The following ERC1 variants were observed in gnomAD, a reference collection of about 807,000 sequenced individuals.
The protein encoded by ERC1 is RAB6 interacting protein 2.
In ERC1, 56 loss-of-function variants were observed where a neutral mutation model predicts 132.0. The ratio of observed to expected loss-of-function variants is 0.42; its 90% CI spans 0.34 to 0.53. ERC1 has a LOEUF of 0.53. Ranked by LOEUF, ERC1 falls within the 20% of genes least tolerant of loss-of-function variation. The probability of loss-of-function intolerance (pLI) is 0.03; values close to 1 mark genes in which losing one functional copy is unlikely to be tolerated. For synonymous variants in ERC1, 478 were observed against 476.1 expected (o/e 1.00, Z -0.05); for missense variants, 1,202 against 1,349.9 (o/e 0.89, Z 1.72).
At chr12:1,374,645 T>C (rs1233185014) in intron 16 of ERC1, among the ~76,000 whole-genome samples, 1 of 152,184 alleles carries the variant, frequency 6.6e-6, no homozygotes, top group Non-Finnish European at 1.5e-5. Context: ...TAATACAATC[T>C]GTTTAGTCAC....
At chr12:1,035,251 A>T (rs963922104) in intron 2 of ERC1, among the ~76,000 whole-genome samples, 2 of 152,184 alleles carry the variant, frequency 1.3e-5, no homozygotes, top group Admixed American at 6.5e-5. Flanking sequence ...ACAGTAATTA[A>T]ATGGTTTCCC....
intron 18 of ERC1, among the ~76,000 whole-genome samples, chr12:1,488,203 A>G (rs2094269238): frequency 6.6e-6 from 1 of 151,296 alleles, no homozygotes; most frequent in African/African-American, 2.4e-5. Flanking sequence ...CTGGACTCAA[A>G]CTCCTGGGCT....
chr12:1,370,685 G>A (rs977576413), intron 15 of ERC1, among the ~76,000 whole-genome samples: 1 of 152,076 alleles, frequency 6.6e-6, no homozygotes, highest in African/African-American at 2.4e-5. Flanking sequence ...GAAATACTAA[G>A]TTCTTACTAA....
Position 1,083,221 on chromosome 12 carries a change from A to C in ERC1, c.727A>C (p.Asn243His). The C allele has an allele frequency of 6.2e-7, 1 of 1,614,106 alleles. No homozygotes were observed. Among genetic ancestry groups the C allele is most frequent in the Non-Finnish European group, 8.5e-7 (1 of 1,179,926 alleles). ...TGAATTGCGGATCCAGAGGGACCTGAATCAGCTGTTTCAGCAGGATAGTAG... is the reference window on the plus strand; with the variant it reads ...TGAATTGCGGATCCAGAGGGACCTGCATCAGCTGTTTCAGCAGGATAGTAG... ...QDELRIQRDL[N>H]QLFQQDSSSR... The change falls in exon 3 of 19, where the codon AAT becomes CAT. Residue 243 changes from asparagine (N) to histidine (H), a missense_variant. Asn to His is a moderately conservative substitution (Grantham distance 68, BLOSUM62 1). Transcript: ENST00000360905.
At chr12:1,147,541 T>C (rs1461369317) in intron 8 of ERC1, among the ~76,000 whole-genome samples, 2 of 152,220 alleles carry the variant, frequency 1.3e-5, no homozygotes, top group South Asian at 4.1e-4. Flanking sequence ...TTAGGCACAA[T>C]AACATGTTGG....
chr12:1,400,844 G>T (rs1199361609), intron 16 of ERC1, among the ~76,000 whole-genome samples: 1 of 147,554 alleles, frequency 6.8e-6, no homozygotes, highest in African/African-American at 2.5e-5. Context: ...TTTACTGTAG[G>T]ATCTGAAATC....
intron 18 of ERC1, among the ~76,000 whole-genome samples, chr12:1,464,880 A>G (rs531519493): frequency 6.6e-6 from 1 of 152,104 alleles, no homozygotes. Context: ...TCTTTAAAAA[A>G]GAGTCCTAAA....
At chr12:1,403,204 C>T (rs2091219076) in intron 16 of ERC1, among the ~76,000 whole-genome samples, 1 of 152,308 alleles carries the variant, frequency 6.6e-6, no homozygotes, top group East Asian at 1.9e-4. Context: ...TTCTTCCCTT[C>T]TTCCTTTTTT....
intron 15 of ERC1, among the ~76,000 whole-genome samples, chr12:1,358,078 T>C (rs1327301801): frequency 6.6e-6 from 1 of 152,132 alleles, no homozygotes; most frequent in African/African-American, 2.4e-5. Context: ...TAGGATGTTC[T>C]TGTGGTACAT....
At chr12:1,378,227 C>G (rs900831635) in intron 16 of ERC1, among the ~76,000 whole-genome samples, 10 of 152,176 alleles carry the variant, frequency 6.6e-5, no homozygotes, top group Non-Finnish European at 1.0e-4. Flanking sequence ...ATTTGATTTT[C>G]AAATTCTTAG....
At chr12:1,394,261 G>A (rs556213623) in intron 16 of ERC1, among the ~76,000 whole-genome samples, 9 of 151,612 alleles carry the variant, frequency 5.9e-5, no homozygotes, top group East Asian at 2.0e-4. Context: ...TTAGCCAGGC[G>A]TGGTGGCGGG....
intron 13 of ERC1, among the ~76,000 whole-genome samples, chr12:1,247,517 A>G (rs1315936696): frequency 6.6e-6 from 1 of 152,240 alleles, no homozygotes; most frequent in African/African-American, 2.4e-5. Flanking sequence ...TATATTTCTC[A>G]GCACTTTTAA....
chr12:1,123,670 C>T (rs7304488), intron 7 of ERC1, among the ~76,000 whole-genome samples: 37,171 of 152,098 alleles, frequency 0.24, 4,769 homozygotes, highest in African/African-American at 0.32. Context: ...ATAACCGTGC[C>T]GATCGATGCA....
chr12:1,164,332 T>TTTATG (rs1566121165), intron 8 of ERC1, among the ~76,000 whole-genome samples: 1 of 144,030 alleles, frequency 6.9e-6, no homozygotes, highest in Non-Finnish European at 1.6e-5. Context: ...GTTATTTTAT[T>TTTATG]TTATGTTATT....
At chr12:1,290,500 A>C (rs553679306) in intron 15 of ERC1, among the ~76,000 whole-genome samples, 16 of 152,338 alleles carry the variant, frequency 1.1e-4, no homozygotes, top group African/African-American at 3.8e-4. Context: ...TGTCACTTTT[A>C]GCAGAGCTTT....
intron 12 of ERC1, among the ~76,000 whole-genome samples, chr12:1,211,146 GAT>G (rs1174625204): frequency 4.6e-5 from 7 of 150,992 alleles, no homozygotes; most frequent in Admixed American, 6.6e-5. Flanking sequence ...CTTTTAAATT[GAT>G]ATATATATAT....
At chr12:1,150,410 T>G (rs1167383954) in intron 8 of ERC1, among the ~76,000 whole-genome samples, 1 of 152,240 alleles carries the variant, frequency 6.6e-6, no homozygotes, top group Non-Finnish European at 1.5e-5. Context: ...TTTACAACTC[T>G]TTTATCTTCA....
At chr12:1,371,335 GAACTTATTAAGAT>G (rs2087207225) in intron 15 of ERC1, among the ~76,000 whole-genome samples, 1 of 152,128 alleles carries the variant, frequency 6.6e-6, no homozygotes, top group African/African-American at 2.4e-5. Context: ...TAATATAGGG[GAACTTATTAAGAT>G]AACAACATGA....
intron 15 of ERC1, among the ~76,000 whole-genome samples, chr12:1,298,428 A>G (rs1312786294): frequency 1.3e-5 from 2 of 151,814 alleles, no homozygotes; most frequent in East Asian, 1.9e-4. Context: ...CTGTTATCCC[A>G]GCTACTCGGG....
Sources: gnomAD v4.1 joint callset for allele counts (sites outside exome capture counted in the v4.1 genomes callset) on GRCh38, gnomAD v4.1.1 for gene constraint, MANE v1.5 for transcripts, NCBI Gene and HGNC (gene_info 2026-07-23, HGNC 2026-07-21) for gene names.